Variants in CSMD1 observed in about 807,000 individuals in gnomAD.
CSMD1 encodes the protein CUB and Sushi multiple domains 1.
CSMD1 carries 213 observed loss-of-function variants against 417.5 expected under a neutral mutation model. The observed-to-expected ratio is 0.51, with a 90% CI of 0.46 to 0.57. The LOEUF is 0.57. CSMD1 is among the 20% of genes least tolerant of loss of function. The pLI is 0.00. For missense variants in CSMD1, 6,923 were observed against 4,529.7 expected (o/e 1.53, Z -15.17); for synonymous variants, 2,862 against 1,736.8 (o/e 1.65, Z -16.11).
chr8:3,744,396 A>G (rs1349779910), intron 6 of CSMD1, among the ~76,000 whole-genome samples: 1 of 152,236 alleles, frequency 6.6e-6, no homozygotes, highest in African/African-American at 2.4e-5. Context: ...ACCCAGGTTA[A>G]TGAATTACAT....
intron 23 of CSMD1, 27 bp from the exon 24 acceptor site, chr8:3,308,530 A>G (rs1401844886): frequency 1.9e-6 from 3 of 1,584,206 alleles, no homozygotes; most frequent in Admixed American, 3.4e-5. Context: ...CAAGGAATGA[A>G]CAGAACTCAA....
chr8:4,443,599 AAAG>A (rs142705503), intron 2 of CSMD1, among the ~76,000 whole-genome samples: 9,976 of 152,278 alleles, frequency 0.066, 509 homozygotes, highest in Non-Finnish European at 0.087. Context: ...CTTAAAATAT[AAAG>A]AAAACTTCGC....
chr8:4,717,632 A>G lies in CSMD1; in HGVS notation c.86-80074T>C, dbSNP rs145693025. Among the ~76,000 whole-genome samples the G allele has an allele frequency of 1.9e-3, 290 of 151,970 alleles. 9 individuals are homozygous for G. In the South Asian group the frequency reaches 0.048, roughly 25 times the overall value. ...AGCAGTAGGAACTATATATATTTCT[A>G]CAACGGGGAAAGCACTGGTGTGAGT... On this transcript the variant is annotated intron_variant, in intron 1 of 69. Coordinates refer to ENST00000635120, the MANE Select transcript of CSMD1 (RefSeq NM_033225.6).
At chr8:3,822,141 C>T (rs1195175282) in intron 5 of CSMD1, among the ~76,000 whole-genome samples, 3 of 152,012 alleles carry the variant, frequency 2.0e-5, no homozygotes, top group Admixed American at 6.6e-5. Context: ...AGAGCAAAGA[C>T]GGAACTTCTC....
intron 1 of CSMD1, among the ~76,000 whole-genome samples, chr8:4,929,102 G>C (rs1245932603): frequency 6.6e-6 from 1 of 152,092 alleles, no homozygotes; most frequent in Admixed American, 6.6e-5. Context: ...TTTAGGATGG[G>C]CTTTAATTCA....
At chr8:4,289,089 G>A (rs747105469) in intron 3 of CSMD1, among the ~76,000 whole-genome samples, 4 of 152,220 alleles carry the variant, frequency 2.6e-5, no homozygotes, top group East Asian at 3.9e-4. Flanking sequence ...ATTATATTTG[G>A]TGTAACAGCA....
intron 5 of CSMD1, among the ~76,000 whole-genome samples, chr8:3,908,080 G>A (rs1808227828): frequency 1.3e-5 from 2 of 152,106 alleles, no homozygotes; most frequent in Admixed American, 1.3e-4. Context: ...GTCACTGGAG[G>A]TCAAAGCCCT....
At chr8:4,104,172 T>C (rs901271380) in intron 3 of CSMD1, among the ~76,000 whole-genome samples, 1 of 152,256 alleles carries the variant, frequency 6.6e-6, no homozygotes, top group African/African-American at 2.4e-5. Flanking sequence ...TGATTTTCAC[T>C]GGAATTTAGT....
At chr8:3,098,304 C>T (rs759415898) in intron 46 of CSMD1, among the ~76,000 whole-genome samples, 3 of 152,166 alleles carry the variant, frequency 2.0e-5, no homozygotes, top group African/African-American at 7.2e-5. Flanking sequence ...TTTATACATA[C>T]ATTTCAAGAT....
chr8:3,713,737 T>G (rs1362719375), intron 6 of CSMD1, among the ~76,000 whole-genome samples: 1 of 152,220 alleles, frequency 6.6e-6, no homozygotes, highest in Non-Finnish European at 1.5e-5. Context: ...GTACTCAATA[T>G]GAGGAGATGC....
intron 3 of CSMD1, among the ~76,000 whole-genome samples, chr8:4,051,787 T>G (rs1798436356): frequency 6.6e-6 from 1 of 152,214 alleles, no homozygotes. Flanking sequence ...GTCCCAGGTG[T>G]GATGGACACC....
chr8:3,054,359 T>G (rs1035359658), intron 49 of CSMD1, among the ~76,000 whole-genome samples: 45 of 152,286 alleles, frequency 3.0e-4, no homozygotes, highest in Admixed American at 9.2e-4. Context: ...GGCTCATGCC[T>G]GTAATCCCAG....
chr8:4,461,701 C>T (rs999320380), intron 2 of CSMD1, among the ~76,000 whole-genome samples: 1 of 151,190 alleles, frequency 6.6e-6, no homozygotes, highest in Non-Finnish European at 1.5e-5. Context: ...TGGGCAAACA[C>T]CACCATAGCC....
At chr8:4,850,062 C>G (rs755151333) in intron 1 of CSMD1, among the ~76,000 whole-genome samples, 1 of 152,096 alleles carries the variant, frequency 6.6e-6, no homozygotes, top group Non-Finnish European at 1.5e-5. Context: ...TTTTTTTATT[C>G]TTGCCATCCT....
At chr8:3,250,037 T>G (rs754620421) in intron 26 of CSMD1, among the ~76,000 whole-genome samples, 5 of 152,272 alleles carry the variant, frequency 3.3e-5, no homozygotes, top group African/African-American at 4.8e-5. Flanking sequence ...GCAGACTCCA[T>G]GTGACCAAGT....
intron 49 of CSMD1, among the ~76,000 whole-genome samples, chr8:3,071,978 G>A (rs753916047): frequency 2.0e-5 from 3 of 152,240 alleles, no homozygotes; most frequent in South Asian, 2.1e-4. Context: ...AAAGAAATGC[G>A]CATGTATAAT....
intron 1 of CSMD1, among the ~76,000 whole-genome samples, chr8:4,969,987 C>A (rs1810135620): frequency 6.7e-6 from 1 of 149,870 alleles, no homozygotes; most frequent in African/African-American, 2.5e-5. Flanking sequence ...CCATGCCTTC[C>A]ATGGTCCGTA....
intron 12 of CSMD1, among the ~76,000 whole-genome samples, chr8:3,448,776 C>A (rs1013458349): frequency 6.6e-6 from 1 of 152,184 alleles, no homozygotes; most frequent in African/African-American, 2.4e-5. Flanking sequence ...TTAGACACTT[C>A]AGGCAATAGT....
chr8:4,353,239 G>A (rs972044869), intron 3 of CSMD1, among the ~76,000 whole-genome samples: 10 of 152,064 alleles, frequency 6.6e-5, no homozygotes, highest in Non-Finnish European at 8.8e-5. Context: ...GTTTCCCCCA[G>A]ACTGTTCTTC....
Sources: allele counts gnomAD v4.1 joint callset (sites outside exome capture counted in the v4.1 genomes callset), GRCh38; gene constraint gnomAD v4.1.1; transcripts MANE v1.5; gene names NCBI Gene and HGNC (gene_info 2026-07-23, HGNC 2026-07-21).